The following GRIK4 variants were observed in gnomAD, a reference collection of about 807,000 sequenced individuals.
GRIK4 encodes glutamate receptor ionotropic, kainate 4.
In GRIK4, 40 loss-of-function variants were observed where a neutral mutation model predicts 104.9. That is an observed-to-expected ratio of 0.38 (90% CI 0.30 to 0.50). The LOEUF (loss-of-function observed/expected upper bound fraction) is 0.50. GRIK4 is among the 20% of genes least tolerant of loss of function. The pLI is 0.93. For synonymous variants in GRIK4, 485 were observed against 524.9 expected (o/e 0.92, Z 1.04); for missense variants, 1,047 against 1,308.1 (o/e 0.80, Z 3.08).
intron 1 of GRIK4, among the ~76,000 whole-genome samples, chr11:120,641,293 A>G (rs181526678): frequency 2.0e-4 from 31 of 152,158 alleles, no homozygotes; most frequent in Admixed American, 5.2e-4. Flanking sequence ...TTTTGTTATA[A>G]TATTGTAATC....
chr11:120,982,290 C>A, intron 20 of GRIK4, 66 bp downstream of exon 20: 1 of 860,596 alleles, frequency 1.2e-6, no homozygotes, highest in Non-Finnish European at 2.0e-6. Flanking sequence ...GGCTCATGCA[C>A]ATATAAGGTT....
At chr11:120,668,527 A>C (rs1949962361) in intron 3 of GRIK4, among the ~76,000 whole-genome samples, 1 of 152,166 alleles carries the variant, frequency 6.6e-6, no homozygotes, top group African/African-American at 2.4e-5. Context: ...TCAGGTGGGG[A>C]ATCAACCTGA....
At position 120,726,928 on chromosome 11, in the gene GRIK4, G is replaced by C. The variant is rs528687323; in HGVS notation, c.82+66528G>C. Among the ~76,000 whole-genome samples the C allele has an allele frequency of 3.3e-5, 5 of 152,224 alleles. No homozygotes were observed. The South Asian group carries it at 6.2e-4, about 19-fold the overall frequency. On this transcript the variant is annotated intron_variant, in intron 3 of 20. Transcript: ENST00000527524. ...ACATTTACAATAAAACTAGGTGACG[G>C]GAGTATTTCCATGAACTTCCAAATA...
intron 3 of GRIK4, among the ~76,000 whole-genome samples, chr11:120,785,831 C>G (rs538203132): frequency 6.6e-6 from 1 of 152,304 alleles, no homozygotes; most frequent in Non-Finnish European, 1.5e-5. Flanking sequence ...CTCCTGGTGG[C>G]TCTGTGCTCA....
At chr11:120,788,582 A>G (rs1417948312) in intron 3 of GRIK4, among the ~76,000 whole-genome samples, 1 of 152,036 alleles carries the variant, frequency 6.6e-6, no homozygotes, top group Non-Finnish European at 1.5e-5. Context: ...AAAAAGGAGA[A>G]GGCACCCAAG....
intron 3 of GRIK4, among the ~76,000 whole-genome samples, chr11:120,793,319 G>A (rs779375105): frequency 7.9e-5 from 12 of 152,012 alleles, no homozygotes; most frequent in African/African-American, 1.7e-4. Context: ...GAGCCAGAGG[G>A]CACAGCTGGT....
At chr11:120,592,662 G>A (rs540056356) in intron 1 of GRIK4, among the ~76,000 whole-genome samples, 9 of 152,142 alleles carry the variant, frequency 5.9e-5, no homozygotes, top group Admixed American at 2.0e-4. Context: ...CCCTCTGAGC[G>A]CAGCATCTCA....
intron 13 of GRIK4, among the ~76,000 whole-genome samples, chr11:120,937,350 G>A (rs1268223881): frequency 6.6e-6 from 1 of 152,174 alleles, no homozygotes; most frequent in Non-Finnish European, 1.5e-5. Context: ...TAATGTCTTT[G>A]ACTAGGTAAA....
chr11:120,720,098 C>T (rs1474835187), intron 3 of GRIK4, among the ~76,000 whole-genome samples: 1 of 151,884 alleles, frequency 6.6e-6, no homozygotes, highest in Non-Finnish European at 1.5e-5. Flanking sequence ...TTGGGGAGCA[C>T]TGCCCTGCCT....
chr11:120,604,668 GCCCCTGTT>G, intron 1 of GRIK4, among the ~76,000 whole-genome samples: 1 of 152,238 alleles, frequency 6.6e-6, no homozygotes, highest in Non-Finnish European at 1.5e-5. Context: ...GGGCCAGCCA[GCCCCTGTT>G]AGCGATAAGC....
intron 8 of GRIK4, among the ~76,000 whole-genome samples, chr11:120,842,349 C>T (rs1050736092): frequency 6.6e-6 from 1 of 152,140 alleles, no homozygotes; most frequent in South Asian, 2.1e-4. Context: ...ATGGGTCAGG[C>T]CTGGAAGTGA....
chr11:120,723,689 G>A (rs1234223544), intron 3 of GRIK4, among the ~76,000 whole-genome samples: 1 of 152,092 alleles, frequency 6.6e-6, no homozygotes, highest in Admixed American at 6.5e-5. Context: ...CTAAAACAGG[G>A]CCAGTTAGTG....
intron 1 of GRIK4, among the ~76,000 whole-genome samples, chr11:120,631,022 G>C (rs1949326763): frequency 6.6e-6 from 1 of 152,224 alleles, no homozygotes; most frequent in African/African-American, 2.4e-5. Flanking sequence ...TACAAGCTGG[G>C]TCATGTCTCT....
At chr11:120,708,864 T>A (rs1950675044) in intron 3 of GRIK4, among the ~76,000 whole-genome samples, 1 of 152,180 alleles carries the variant, frequency 6.6e-6, no homozygotes, top group Non-Finnish European at 1.5e-5. Context: ...CCCCCTCCCG[T>A]GCTGTTGGAG....
At chr11:120,898,809 T>G (rs1185050913) in intron 12 of GRIK4, among the ~76,000 whole-genome samples, 170 bp downstream of exon 12, 1 of 152,112 alleles carries the variant, frequency 6.6e-6, no homozygotes, top group Non-Finnish European at 1.5e-5. Context: ...GGAAATGATA[T>G]TTGATGAGTT....
intron 1 of GRIK4, among the ~76,000 whole-genome samples, chr11:120,517,461 G>A (rs1203348530): frequency 6.7e-6 from 1 of 148,632 alleles, no homozygotes; most frequent in Non-Finnish European, 1.5e-5. Context: ...GGGAGGCCAT[G>A]GGCAGGCCCC....
chr11:120,821,649 G>C (rs1323430660), intron 6 of GRIK4, among the ~76,000 whole-genome samples: 1 of 152,226 alleles, frequency 6.6e-6, no homozygotes, highest in Non-Finnish European at 1.5e-5. Context: ...TTAGACCCAA[G>C]GAGCTGGGGA....
intron 11 of GRIK4, among the ~76,000 whole-genome samples, chr11:120,890,633 T>TTTCA (rs144246475): frequency 1.3e-5 from 2 of 152,218 alleles, no homozygotes; most frequent in Admixed American, 1.3e-4. Flanking sequence ...TGAGTCTCAC[T>TTTCA]TTCATTCATT....
chr11:120,560,240 T>C (rs1948224991), intron 1 of GRIK4, among the ~76,000 whole-genome samples: 2 of 152,042 alleles, frequency 1.3e-5, no homozygotes, highest in Non-Finnish European at 2.9e-5. Flanking sequence ...TTAGTAGAGA[T>C]GGTGTTTCAC....
Sources: gnomAD v4.1 joint callset for allele counts (sites outside exome capture counted in the v4.1 genomes callset) on GRCh38, gnomAD v4.1.1 for gene constraint, MANE v1.5 for transcripts, NCBI Gene and HGNC (gene_info 2026-07-23, HGNC 2026-07-21) for gene names.